The following MAF variants were observed in gnomAD, a reference collection of about 807,000 sequenced individuals.
MAF encodes MAF bZIP transcription factor.
Under a neutral mutation model 22.0 loss-of-function variants are expected in MAF, and 10 were observed. The observed-to-expected ratio is 0.45, with a 90% CI of 0.28 to 0.77. The LOEUF is 0.77. Among genes scored for constraint, MAF ranks in the 30% least tolerant of loss-of-function variants. MAF has a pLI of 0.12. For synonymous variants in MAF, 337 were observed against 255.8 expected (o/e 1.32, Z -3.03); for missense variants, 544 against 548.4 (o/e 0.99, Z 0.08).
chr16:79,382,105 T>G, the MAF span, among the ~76,000 whole-genome samples: 16 of 152,268 alleles, frequency 1.1e-4, no homozygotes, highest in Non-Finnish European at 2.4e-4. Flanking sequence ...AGGTGACACT[T>G]TCCTGATTCT....
the MAF span, among the ~76,000 whole-genome samples, chr16:79,342,946 A>T: frequency 6.6e-6 from 1 of 152,150 alleles, no homozygotes; most frequent in Non-Finnish European, 1.5e-5. Flanking sequence ...TGCTTGAAAA[A>T]AGGAAGATGT....
the MAF span, among the ~76,000 whole-genome samples, chr16:79,329,055 C>T: frequency 2.7e-5 from 4 of 148,118 alleles, no homozygotes; most frequent in African/African-American, 9.8e-5. Flanking sequence ...ACTCACTCCG[C>T]AACTTGCCCC....
At chr16:79,366,074 A>AT in the MAF span, among the ~76,000 whole-genome samples, 2 of 152,252 alleles carry the variant, frequency 1.3e-5, no homozygotes, top group Middle Eastern at 3.4e-3. Flanking sequence ...TTTCTGTTGT[A>AT]TTTTTTATTC....
chr16:79,347,893 G>A, the MAF span, among the ~76,000 whole-genome samples: 1 of 152,190 alleles, frequency 6.6e-6, no homozygotes, highest in Non-Finnish European at 1.5e-5. Flanking sequence ...GTTTCTCTCC[G>A]TGGTGGAAGA....
At chr16:79,297,029 G>A in the MAF span, among the ~76,000 whole-genome samples, 1 of 152,148 alleles carries the variant, frequency 6.6e-6, no homozygotes, top group Non-Finnish European at 1.5e-5. Flanking sequence ...GCTCTGTGGC[G>A]ACATCCCTTG....
At chr16:79,203,121 G>A in the MAF span, 41 of 152,266 alleles carry the variant, frequency 2.7e-4, 1 homozygote, top group African/African-American at 9.4e-4. Flanking sequence ...ACACGCTGCT[G>A]GTGAATGAAA....
the MAF span, among the ~76,000 whole-genome samples, chr16:79,339,550 T>C: frequency 3.9e-5 from 6 of 152,210 alleles, no homozygotes; most frequent in Admixed American, 1.3e-4. Context: ...GGGAGAGAGA[T>C]AGCTTGTGTT....
chr16:79,400,630 G>C, the MAF span, among the ~76,000 whole-genome samples: 20 of 152,344 alleles, frequency 1.3e-4, 1 homozygote, highest in Middle Eastern at 3.4e-3. Context: ...GAGATAATCT[G>C]TGATCAAGCA....
the MAF span, among the ~76,000 whole-genome samples, chr16:79,273,167 C>G: frequency 6.6e-6 from 1 of 152,132 alleles, no homozygotes; most frequent in Admixed American, 6.5e-5. Flanking sequence ...CCACGACTGT[C>G]TGCTCCCTGA....
chr16:79,578,984 G>C, the MAF span, among the ~76,000 whole-genome samples: 1 of 152,050 alleles, frequency 6.6e-6, no homozygotes, highest in African/African-American at 2.4e-5. Context: ...AGCCAGCCAG[G>C]AAAAGACATG....
At position 79,599,893 on chromosome 16, in the gene MAF, C is replaced by G; in HGVS notation, c.10G>C (p.Glu4Gln). 1 of 1,590,390 alleles carries G rather than the reference C, an allele frequency of 6.3e-7. No individual in the cohort carries two copies. The highest frequency in any genetic ancestry group is 8.5e-7 in the Non-Finnish European group (1 of 1,176,560). The change falls in exon 1 of 2, where the codon GAA (glutamate) becomes CAA (glutamine). Residue 4 changes from glutamate to glutamine, a missense_variant. Around this residue, in one of 5 missense-constraint regions of MAF, gnomAD observed 63 missense variants for 72.7 expected, o/e 0.87. Coordinates refer to ENST00000326043, the MANE Select transcript of MAF (RefSeq NM_005360.5). The part of the protein sequence containing the change: MAS[E>Q]LAMSNSDLPT... ...AGGTCGGAGTTGCTCATTGCCAGTT[C>G]TGATGCCATTCTCCTGCCGCCGCCG...
the MAF span, among the ~76,000 whole-genome samples, chr16:79,526,400 G>A: frequency 1.3e-5 from 2 of 152,168 alleles, no homozygotes; most frequent in Non-Finnish European, 2.9e-5. Context: ...GCAGAGCTCT[G>A]GCGGTAATGG....
At chr16:79,300,891 T>C in the MAF span, among the ~76,000 whole-genome samples, 8 of 152,248 alleles carry the variant, frequency 5.3e-5, no homozygotes, top group South Asian at 1.7e-3. Context: ...GTCTACTGCA[T>C]GTTTTTATAC....
At chr16:79,310,818 C>A in the MAF span, among the ~76,000 whole-genome samples, 1 of 152,154 alleles carries the variant, frequency 6.6e-6, no homozygotes, top group Non-Finnish European at 1.5e-5. Flanking sequence ...AGTCCCTGGT[C>A]GTGTTCCAAA....
the MAF span, among the ~76,000 whole-genome samples, chr16:79,470,828 G>A: frequency 2.6e-5 from 4 of 152,288 alleles, no homozygotes; most frequent in Admixed American, 1.3e-4. Context: ...TTTAGCTGAC[G>A]CCAGAACTAG....
the MAF span, among the ~76,000 whole-genome samples, chr16:79,381,131 GC>G: frequency 2.0e-5 from 3 of 152,226 alleles, no homozygotes; most frequent in African/African-American, 7.2e-5. Flanking sequence ...AGCAGCTGCA[GC>G]TAGAGATCAA....
chr16:79,565,403 A>G, the MAF span, among the ~76,000 whole-genome samples: 1 of 152,148 alleles, frequency 6.6e-6, no homozygotes, highest in African/African-American at 2.4e-5. Flanking sequence ...GGACTATGAT[A>G]TCACAACTCT....
At chr16:79,543,866 T>G in the MAF span, among the ~76,000 whole-genome samples, 5 of 152,002 alleles carry the variant, frequency 3.3e-5, no homozygotes, top group African/African-American at 4.8e-5. Context: ...TTTTATATTT[T>G]TAGCAGAGAC....
the MAF span, chr16:79,211,739 C>A: frequency 1.9e-6 from 3 of 1,614,224 alleles, no homozygotes; most frequent in African/African-American, 4.0e-5. Context: ...CGGCCCGGAC[C>A]CTGTGGGCGC....
Sources: gnomAD v4.1 joint callset for allele counts (sites outside exome capture counted in the v4.1 genomes callset) on GRCh38, gnomAD v4.1.1 for gene constraint, gnomAD v4.1.1 regional missense constraint, MANE v1.5 for transcripts, NCBI Gene and HGNC (gene_info 2026-07-23, HGNC 2026-07-21) for gene names.